Variants in MKLN1 observed in about 807,000 individuals in gnomAD.
MKLN1 encodes muskelin 1.
MKLN1 carries 18 observed loss-of-function variants against 99.0 expected under a neutral mutation model. The ratio of observed to expected loss-of-function variants is 0.18; its 90% CI spans 0.13 to 0.27. MKLN1 has a LOEUF of 0.27. MKLN1 is among the 10% of genes least tolerant of loss of function. The pLI is 1.00. For synonymous variants in MKLN1, 288 were observed against 293.2 expected (o/e 0.98, Z 0.18); for missense variants, 621 against 875.9 (o/e 0.71, Z 3.67).
intron 3 of MKLN1, among the ~76,000 whole-genome samples, chr7:131,317,751 G>A (rs1207662501): frequency 9.9e-6 from 1 of 100,694 alleles, no homozygotes; most frequent in African/African-American, 3.8e-5. Context: ...ATAAAGGGAC[G>A]AGCAAATGGA....
At chr7:131,367,017 G>A (rs1177036652) in intron 1 of MKLN1, among the ~76,000 whole-genome samples, 6 of 152,074 alleles carry the variant, frequency 3.9e-5, no homozygotes, top group African/African-American at 1.2e-4. Context: ...TTTAAAATAT[G>A]CAAAAATAAA....
At chr7:131,436,622 T>C (rs1053142691) in intron 9 of MKLN1, among the ~76,000 whole-genome samples, 1 of 152,218 alleles carries the variant, frequency 6.6e-6, no homozygotes, top group African/African-American at 2.4e-5. Context: ...GGGGTTGTTA[T>C]AAGGATTAAA....
At chr7:131,422,624 A>G (rs1229121358) in intron 8 of MKLN1, among the ~76,000 whole-genome samples, 1 of 152,188 alleles carries the variant, frequency 6.6e-6, no homozygotes, top group Non-Finnish European at 1.5e-5. Flanking sequence ...AGCTTATTTA[A>G]CATGGCTTAT....
chr7:131,355,129 G>A lies in MKLN1; in HGVS notation c.99-20295G>A, dbSNP rs138995086. Reference sequence around the variant, plus strand: ...ATTCTGTTCCTGATTGTGTATTCATGTATAAATATCTTGCTGCTTTAATTA... The same window carrying A: ...ATTCTGTTCCTGATTGTGTATTCATATATAAATATCTTGCTGCTTTAATTA... On this transcript the variant is annotated intron_variant, in intron 1 of 17. Coordinates refer to ENST00000352689, the MANE Select transcript of MKLN1 (RefSeq NM_013255.5). Among the ~76,000 whole-genome samples, 22 of 152,066 alleles carry A rather than the reference G, an allele frequency of 1.4e-4. No homozygotes were observed. The East Asian group carries it at 4.3e-3, about 29-fold the overall frequency.
intron 8 of MKLN1, among the ~76,000 whole-genome samples, chr7:131,422,963 A>T (rs532825413): frequency 4.1e-4 from 63 of 152,114 alleles, no homozygotes; most frequent in Non-Finnish European, 7.5e-4. Flanking sequence ...GCACCTCTCC[A>T]CTTAAGATTC....
At chr7:131,316,498 A>G (rs1798670837) in intron 3 of MKLN1, among the ~76,000 whole-genome samples, 1 of 152,204 alleles carries the variant, frequency 6.6e-6, no homozygotes, top group Non-Finnish European at 1.5e-5. Flanking sequence ...GAAGATGAGG[A>G]AAAGCCAGCA....
chr7:131,281,120 C>T (rs1445999722), intron 3 of MKLN1, among the ~76,000 whole-genome samples: 1 of 151,788 alleles, frequency 6.6e-6, no homozygotes, highest in African/African-American at 2.4e-5. Flanking sequence ...TTGCCAAATC[C>T]AAGGTCATGA....
At chr7:131,316,434 A>C (rs904679709) in intron 3 of MKLN1, among the ~76,000 whole-genome samples, 1 of 152,208 alleles carries the variant, frequency 6.6e-6, no homozygotes, top group Non-Finnish European at 1.5e-5. Flanking sequence ...CTCCCACACA[A>C]AAACTCCCAT....
chr7:131,132,465 G>A lies in MKLN1; in HGVS notation c.-418-10355G>A, dbSNP rs545465441. On this transcript the variant is annotated intron_variant, in intron 1 of 7. Transcript: ENST00000416992. ...ATACATACATATATCCATACATAACGACTGGATTATTTCACAGAGGTGAAA... is the reference window on the plus strand; with the variant it reads ...ATACATACATATATCCATACATAACAACTGGATTATTTCACAGAGGTGAAA... Among the ~76,000 whole-genome samples the A allele has an allele frequency of 5.9e-5, 9 of 152,288 alleles. No individual in the cohort carries two copies. The South Asian group carries it at 1.0e-3, about 18-fold the overall frequency.
chr7:131,468,112 C>T (rs1323749212), intron 15 of MKLN1, among the ~76,000 whole-genome samples: 2 of 152,134 alleles, frequency 1.3e-5, no homozygotes, highest in African/African-American at 4.8e-5. Context: ...ATCAAGAAGG[C>T]ATCTTAACAT....
At chr7:131,175,275 G>A (rs916900488) in intron 2 of MKLN1, among the ~76,000 whole-genome samples, 13 of 60,176 alleles carry the variant, frequency 2.2e-4, no homozygotes, top group South Asian at 7.4e-4. Context: ...TAGAGTAGGT[G>A]GAAGAAACTT....
chr7:131,241,613 G>A (rs2116494986), intron 3 of MKLN1, among the ~76,000 whole-genome samples: 2 of 152,266 alleles, frequency 1.3e-5, no homozygotes, highest in East Asian at 3.9e-4. Flanking sequence ...GAAGCTGATG[G>A]CATCACTGCA....
intron 7 of MKLN1, 96 bp from the exon 8 acceptor site, chr7:131,414,549 T>C: frequency 1.3e-6 from 1 of 744,460 alleles, no homozygotes; most frequent in South Asian, 1.7e-5. Flanking sequence ...TAAGGGTGGG[T>C]TATTTTTACT....
At chr7:131,226,147 C>T (rs1377471837) in intron 3 of MKLN1, among the ~76,000 whole-genome samples, 3 of 151,574 alleles carry the variant, frequency 2.0e-5, no homozygotes, top group African/African-American at 7.3e-5. Context: ...TCTCAAAATA[C>T]ACCTCTCTCT....
chr7:131,384,988 A>G (rs1186671947), intron 2 of MKLN1, among the ~76,000 whole-genome samples: 1 of 152,216 alleles, frequency 6.6e-6, no homozygotes, highest in African/African-American at 2.4e-5. Context: ...TAGTTCCAAA[A>G]TATTTTCATT....
Position 131,387,171 on chromosome 7 carries a change from G to A in MKLN1, c.220G>A (p.Gly74Arg). The A allele has an allele frequency of 6.2e-7, 1 of 1,605,252 alleles. No individual in the cohort carries two copies. Among genetic ancestry groups the A allele is most frequent in the Non-Finnish European group, 8.5e-7 (1 of 1,174,926 alleles). Reference protein sequence around the residue: ...RPAIVQNITFGKYEKTHVCNL... With the variant: ...RPAIVQNITFRKYEKTHVCNL... ...TGCTATAGTTCAGAATATCACATTT[G>A]GAAAATATGAGAAAACTCATGTTTG... The change falls in exon 3 of 18, where the codon GGA becomes AGA. Residue 74 changes from glycine to arginine, a missense_variant. By Grantham distance (125) the Gly-to-Arg change is moderately radical (BLOSUM62 -2). Coordinates refer to ENST00000352689, the MANE Select transcript of MKLN1 (RefSeq NM_013255.5).
chr7:131,357,888 G>T (rs1039851934), intron 1 of MKLN1, among the ~76,000 whole-genome samples: 12 of 152,186 alleles, frequency 7.9e-5, no homozygotes, highest in East Asian at 3.9e-4. Context: ...TGCTTCGGGG[G>T]TTTTGTTTCT....
chr7:131,427,903 C>T (rs1355691195), intron 8 of MKLN1, among the ~76,000 whole-genome samples: 1 of 152,058 alleles, frequency 6.6e-6, no homozygotes, highest in Non-Finnish European at 1.5e-5. Flanking sequence ...GTGGCTCATG[C>T]CTATAATCCT....
chr7:131,344,681 G>T (rs1201498186), intron 1 of MKLN1, among the ~76,000 whole-genome samples: 1 of 152,210 alleles, frequency 6.6e-6, no homozygotes, highest in African/African-American at 2.4e-5. Context: ...CCTCAAAAGT[G>T]TGGTCTATTC....
Sources: gnomAD v4.1 joint callset for allele counts (sites outside exome capture counted in the v4.1 genomes callset) on GRCh38, gnomAD v4.1.1 for gene constraint, MANE v1.5 for transcripts, NCBI Gene and HGNC (gene_info 2026-07-23, HGNC 2026-07-21) for gene names.